KRT6B: variants seen among roughly 807,000 people sequenced by gnomAD.
KRT6B encodes the protein keratin, type II cytoskeletal 6B.
Under a neutral mutation model 44.7 loss-of-function variants are expected in KRT6B, and 29 were observed. The ratio of observed to expected loss-of-function variants is 0.65; its 90% CI spans 0.48 to 0.88. The LOEUF (loss-of-function observed/expected upper bound fraction) is 0.88, where lower values mean the gene tolerates loss of function less well. Among genes scored for constraint, KRT6B ranks in the 40% least tolerant of loss-of-function variants. The pLI, the probability that KRT6B is intolerant of heterozygous loss-of-function variation, is 0.00. For synonymous variants in KRT6B, 213 were observed against 296.0 expected, an observed-to-expected ratio of 0.72 and a Z score of 2.88; for missense variants, 600 against 724.0, an observed-to-expected ratio of 0.83 and a Z score of 1.97.
At position 52,448,974 on chromosome 12, in the gene KRT6B, C is replaced by T. The variant is rs1187684281; in HGVS notation, c.1078-7G>A. 1 of 1,612,328 alleles carries T rather than the reference C, an allele frequency of 6.2e-7. No individual in the cohort carries two copies. Among genetic ancestry groups the T allele is most frequent in the Admixed American group, 1.7e-5 (1 of 59,872 alleles). On this transcript the variant is annotated splice_region_variant and splice_polypyrimidine_tract_variant and intron_variant, in intron 5 of 8. Coordinates refer to ENST00000252252, the MANE Select transcript of KRT6B (RefSeq NM_005555.4). ...TGATCTGCAGCTCCTCGTACTGCAG[C>T]CCAGAGGTGGAGAGAGAGACAGTGT...
At position 52,447,151 on chromosome 12, in the gene KRT6B, G is replaced by A. The variant is rs776365127; in HGVS notation, c.*39C>T. The stretch of plus-strand genomic sequence containing the variant: ...GGAGAGGGCTCTGCTGCCAGAGAGG[G>A]GCCTGAGAGCTGTGGGACTGAGAGC... On this transcript the variant is annotated 3_prime_UTR_variant, in exon 9 of 9. Transcript: ENST00000252252. 6.2e-7 allele frequency: 1 copy of A among 1,612,120 alleles called. No homozygotes were observed. Among genetic ancestry groups the A allele is most frequent in the Non-Finnish European group, 8.5e-7 (1 of 1,179,072 alleles).
At chr12:52,449,720 C>G (rs766290591) in intron 4 of KRT6B, 38 bp downstream of exon 4, 7 of 1,614,064 alleles carry the variant, frequency 4.3e-6, no homozygotes, top group Admixed American at 3.3e-5. Context: ...CTTTGCAGAC[C>G]CCATCAGAGT....
At position 52,450,761 on chromosome 12, in the gene KRT6B, C is replaced by G. The variant is rs552221306; in HGVS notation, c.541-141G>C. ...GTAGAGAGGCTCAGGCTGAGCTCTG[C>G]TCCCCCAACTCCTTCTCCTTTGCAC... On this transcript the variant is annotated intron_variant, in intron 1 of 8. Coordinates refer to ENST00000252252, the MANE Select transcript of KRT6B (RefSeq NM_005555.4). 8 of 1,319,144 alleles carry G rather than the reference C, an allele frequency of 6.1e-6. No individual in the cohort carries two copies. In the African/African-American group the frequency reaches 1.1e-4, roughly 18 times the overall value. 81.7% of individuals were successfully genotyped at this position (1,319,144 alleles called of 1,614,324 possible).
chr12:52,447,327 C>G lies in KRT6B; in HGVS notation c.1558G>C (p.Gly520Arg). Reference protein sequence around the residue: ...GGGSSYSYGSGLGVGGGFSSS... With the variant: ...GGGSSYSYGSRLGVGGGFSSS... ...CTAAAGCCGCCTCCAACGCCAAGAC[C>G]ACTGCCATAGGAGTAGCTGCTTCCT... The change falls in exon 9 of 9, where the codon GGT becomes CGT. Residue 520 changes from glycine to arginine, a missense_variant. This residue lies in a region of KRT6B where 479 missense variants were observed against 454.2 expected (regional missense o/e 1.05). Coordinates refer to ENST00000252252, the MANE Select transcript of KRT6B (RefSeq NM_005555.4). 1 of 1,614,068 alleles carries G rather than the reference C, an allele frequency of 6.2e-7. No homozygotes were observed. The highest frequency in any genetic ancestry group is 8.5e-7 in the Non-Finnish European group (1 of 1,179,902).
intron 6 of KRT6B, 66 bp from the exon 7 acceptor site, chr12:52,448,064 G>A (rs1294208003): frequency 1.2e-6 from 2 of 1,606,100 alleles, no homozygotes; most frequent in East Asian, 2.2e-5. Context: ...AACCTGGCTG[G>A]TTCTTTTCCA....
At chr12:52,451,461 G>A in intron 1 of KRT6B, 78 bp downstream of exon 1, 1 of 1,612,804 alleles carries the variant, frequency 6.2e-7, no homozygotes, top group Non-Finnish European at 8.5e-7. Flanking sequence ...CCCTCCTAGG[G>A]TCTCTCCGGC....
At position 52,448,834 on chromosome 12, in the gene KRT6B, C is replaced by T. The variant is rs1410530582; in HGVS notation, c.1203+8G>A. The stretch of plus-strand genomic sequence containing the variant: ...GATGCTTTTCTCCTCCATTGCCCCT[C>T]ACCATACCTGCTTCTTGACGTGGTC... On this transcript the variant is annotated splice_region_variant and intron_variant, in intron 6 of 8. Coordinates refer to ENST00000252252, the MANE Select transcript of KRT6B (RefSeq NM_005555.4). The T allele has an allele frequency of 6.2e-7, 1 of 1,614,194 alleles. No individual in the cohort carries two copies.
At position 52,446,840 on chromosome 12, in the gene KRT6B, G is replaced by A. The variant is rs540139576; in HGVS notation, c.*350C>T. On this transcript the variant is annotated 3_prime_UTR_variant, in exon 9 of 9. Coordinates refer to ENST00000252252, the MANE Select transcript of KRT6B (RefSeq NM_005555.4). ...GTAGCTATAATGGGCAGGATGGTTA[G>A]CAATTAAAGAGAGGACTCCTCATCT... The A allele has an allele frequency of 1.5e-4, 52 of 353,136 alleles. No individual in the cohort carries two copies. Among genetic ancestry groups the A allele is most frequent in the South Asian group, 1.1e-3 (32 of 28,986 alleles). The allele number at this position is 353,136 out of a possible 1,614,324, so 21.9% of individuals were successfully genotyped here.
intron 1 of KRT6B, among the ~76,000 whole-genome samples, chr12:52,450,876 C>T (rs1294829640): frequency 6.6e-6 from 1 of 152,226 alleles, no homozygotes; most frequent in African/African-American, 2.4e-5. Context: ...TTCAACATTT[C>T]TTCTTTTCTT....
Position 52,450,039 on chromosome 12 carries a change from T to G in KRT6B, c.789A>C (p.Ala263=), listed in dbSNP as rs1337535556. Residue 263 remains alanine, a synonymous_variant, in exon 3 of 9, where the codon GCA becomes GCC. Coordinates refer to ENST00000252252, the MANE Select transcript of KRT6B (RefSeq NM_005555.4). ...YEDEINKRTA[A]ENEFVTLKKD... ...TCTTCAGAGTCACAAATTCATTCTCTGCTGCTGTGCGCTTGTTGATTTCAT... is the reference window on the plus strand; with the variant it reads ...TCTTCAGAGTCACAAATTCATTCTCGGCTGCTGTGCGCTTGTTGATTTCAT... 1 of 1,613,920 alleles carries G rather than the reference T, an allele frequency of 6.2e-7. No homozygotes were observed. Among genetic ancestry groups the G allele is most frequent in the Admixed American group, 1.7e-5 (1 of 60,000 alleles).
rs548437886 is a variant in KRT6B, at chr12:52,448,435, C to T, written c.1203+407G>A. On this transcript the variant is annotated intron_variant, in intron 6 of 8. Transcript: ENST00000252252. ...CACATCCTCTCACCTGCTTGGGCCA[C>T]GTTTTCCTTCCTCATAGCCCTGGTT... Among the ~76,000 whole-genome samples the T allele has an allele frequency of 5.9e-5, 9 of 152,302 alleles. No individual in the cohort carries two copies. In the South Asian group the frequency reaches 6.2e-4, roughly 11 times the overall value.
At position 52,450,502 on chromosome 12, in the gene KRT6B, T is replaced by C; in HGVS notation, c.659A>G (p.Asn220Ser). The C allele has an allele frequency of 6.2e-7, 1 of 1,614,196 alleles. No individual in the cohort carries two copies. The highest frequency in any genetic ancestry group is 8.5e-7 in the Non-Finnish European group (1 of 1,180,042). The change falls in exon 2 of 9, where the codon AAC becomes AGC. Residue 220 changes from asparagine to serine, a missense_variant. Asn to Ser is a conservative substitution (Grantham distance 46). Transcript: ENST00000252252. ...LEPLFEQYIN[N>S]LRRQLDNIVG... ...GATGTTGTCCAGCTGCCTCCTGAGG[T>C]TGTTGATGTACTGCTCGAACAACGG...
Position 52,447,967 on chromosome 12 carries a change from G to A in KRT6B, c.1235C>T (p.Ala412Val), listed in dbSNP as rs761046409. ...GAGGGCCATCTCCCCACGCTGCTCA[G>A]CATCAGCAATGGCGGCCTGTAGGTT... is the stretch of plus-strand genomic sequence containing the variant. ...CANLQAAIAD[A>V]EQRGEMALKD... The change falls in exon 7 of 9, where the codon GCT (alanine) becomes GTT (valine). Residue 412 changes from alanine (A) to valine (V), a missense_variant. Ala to Val is a moderately conservative substitution (Grantham distance 64). Around this residue, in one of 4 missense-constraint regions of KRT6B, gnomAD observed 479 missense variants for 454.2 expected, o/e 1.05. Transcript: ENST00000252252. The A allele has an allele frequency of 1.2e-6, 2 of 1,614,162 alleles. No individual in the cohort carries two copies. Among genetic ancestry groups the A allele is most frequent in the Non-Finnish European group, 1.7e-6 (2 of 1,180,034 alleles).
chr12:52,452,094 G>C lies in KRT6B; in HGVS notation c.-16C>G. 6.2e-7 allele frequency: 1 copy of C among 1,614,138 alleles called. No individual in the cohort carries two copies. Among genetic ancestry groups the C allele is most frequent in the Non-Finnish European group, 8.5e-7 (1 of 1,180,018 alleles). On this transcript the variant is annotated 5_prime_UTR_variant, in exon 1 of 9. Coordinates refer to ENST00000252252, the MANE Select transcript of KRT6B (RefSeq NM_005555.4). Reference sequence around the variant, plus strand: ...TGCTGGCCATGGTTCCAGGAGATGAGAGGGCTTAGGAGAGTGTGAGAGGCT... The same window carrying C: ...TGCTGGCCATGGTTCCAGGAGATGACAGGGCTTAGGAGAGTGTGAGAGGCT...
chr12:52,450,475 A>G lies in KRT6B; in HGVS notation c.686T>C (p.Val229Ala), dbSNP rs1391175529. 2 of 1,613,958 alleles carry G rather than the reference A, an allele frequency of 1.2e-6. No homozygotes were observed. Among genetic ancestry groups the G allele is most frequent in the Admixed American group, 3.3e-5 (2 of 60,006 alleles). ...NNLRRQLDNI[V>A]GERGRLDSEL... Reference sequence around the variant, plus strand: ...CGAGTCCAGACGACCCCGTTCCCCCACGATGTTGTCCAGCTGCCTCCTGAG... The same window carrying G: ...CGAGTCCAGACGACCCCGTTCCCCCGCGATGTTGTCCAGCTGCCTCCTGAG... Residue 229 changes from valine (V) to alanine (A), a missense_variant, in exon 2 of 9, where the codon GTG becomes GCG. Coordinates refer to ENST00000252252, the MANE Select transcript of KRT6B (RefSeq NM_005555.4).
Position 52,448,948 on chromosome 12 carries a change from G to A in KRT6B, c.1097C>T (p.Thr366Ile). 3 of 1,613,462 alleles carry A rather than the reference G, an allele frequency of 1.9e-6. No individual in the cohort carries two copies. The highest frequency in any genetic ancestry group is 3.3e-5 in the Admixed American group (2 of 59,928). ...CAGGTCGTCCCCATGTCTGCCTGCT[G>A]TGATCTGCAGCTCCTCGTACTGCAG... is the stretch of plus-strand genomic sequence containing the variant. Reference protein sequence around the residue: ...YQTKYEELQITAGRHGDDLRN... With the variant: ...YQTKYEELQIIAGRHGDDLRN... Residue 366 changes from threonine to isoleucine, a missense_variant, in exon 6 of 9, where the codon ACA becomes ATA. Transcript: ENST00000252252.
At position 52,451,669 on chromosome 12, in the gene KRT6B, T is replaced by A. The variant is rs1302838812; in HGVS notation, c.410A>T (p.Glu137Val). Residue 137 changes from glutamate to valine, a missense_variant, in exon 1 of 9, where the codon GAG becomes GTG. Glu to Val is a moderately radical substitution (Grantham distance 121). Transcript: ENST00000252252. ...CAGGAGACTCTGGTTGACAGTGACC[T>A]CTTGGATGCCTCCAGGGGGGCACAC... is the stretch of plus-strand genomic sequence containing the variant. ...FPVCPPGGIQEVTVNQSLLTP... is the reference protein window; with the variant it reads ...FPVCPPGGIQVVTVNQSLLTP... 6.2e-7 allele frequency: 1 copy of A among 1,613,022 alleles called. No homozygotes were observed. Among genetic ancestry groups the A allele is most frequent in the Non-Finnish European group, 8.5e-7 (1 of 1,180,036 alleles).
intron 5 of KRT6B, 72 bp downstream of exon 5, chr12:52,449,384 GGGATGTCCCCAGT>G: frequency 6.3e-7 from 1 of 1,593,390 alleles, no homozygotes; most frequent in Non-Finnish European, 8.6e-7. Flanking sequence ...TTCCTGTCAG[GGGATGTCCCCAGT>G]GAAGTCTGCA....
intron 1 of KRT6B, 37 bp from the exon 2 acceptor site, chr12:52,450,657 G>C: frequency 6.2e-7 from 1 of 1,613,970 alleles, no homozygotes; most frequent in East Asian, 2.2e-5. Flanking sequence ...TCCAGGAAAA[G>C]GAAGGCAGAG....
Sources: gnomAD v4.1 joint callset for allele counts (sites outside exome capture counted in the v4.1 genomes callset) on GRCh38, gnomAD v4.1.1 for gene constraint, gnomAD v4.1.1 regional missense constraint, MANE v1.5 for transcripts, NCBI Gene and HGNC (gene_info 2026-07-23, HGNC 2026-07-21) for gene names.